Variants in CDCA2 observed in about 807,000 individuals in gnomAD.
The protein encoded by CDCA2 is cell division cycle-associated protein 2.
CDCA2 carries 44 observed loss-of-function variants against 67.0 expected under a neutral mutation model. The observed-to-expected ratio is 0.66, with a 90% CI of 0.52 to 0.84. CDCA2 has a LOEUF of 0.84. Ranked by LOEUF, CDCA2 falls within the 40% of genes least tolerant of loss-of-function variation. The pLI, the probability that CDCA2 is intolerant of heterozygous loss-of-function variation, is 0.00. For missense variants in CDCA2, 1,253 were observed against 1,203.2 expected (o/e 1.04, Z -0.61); for synonymous variants, 447 against 418.7 (o/e 1.07, Z -0.82).
At chr8:25,468,148 A>AAG in intron 5 of CDCA2, 69 bp from the exon 6 acceptor site, 1 of 704,614 alleles carries the variant, frequency 1.4e-6, no homozygotes. Context: ...AAGAAAAGAA[A>AAG]AAAAATATAT....
chr8:25,505,350 C>T (rs188715784), intron 14 of CDCA2, among the ~76,000 whole-genome samples: 2 of 152,242 alleles, frequency 1.3e-5, no homozygotes, highest in African/African-American at 2.4e-5. Flanking sequence ...TACAAGCACG[C>T]GCCACCATGC....
intron 7 of CDCA2, among the ~76,000 whole-genome samples, chr8:25,470,907 G>A (rs531114760): frequency 8.2e-4 from 124 of 151,780 alleles, no homozygotes; most frequent in Non-Finnish European, 1.4e-3. Context: ...GATTACAGGC[G>A]TGCACCACCA....
At position 25,480,124 on chromosome 8, in the gene CDCA2, G is replaced by A; in HGVS notation, c.1032G>A (p.Gln344=). ...PSVKMCLESL[Q]EHCNNLYDDD... The stretch of plus-strand genomic sequence containing the variant: ...TTAAGATGTGTCTAGAGAGCTTACA[G>A]GTAAGAAGAGAGTTAAATTTCCTAA... Residue 344 remains glutamine, a splice_region_variant and synonymous_variant, in exon 8 of 15, where the codon CAG becomes CAA. Coordinates refer to ENST00000330560, the MANE Select transcript of CDCA2 (RefSeq NM_152562.4). 1.9e-6 allele frequency: 3 copies of A among 1,609,038 alleles called. No individual in the cohort carries two copies. Among genetic ancestry groups the A allele is most frequent in the Non-Finnish European group, 2.5e-6 (3 of 1,176,690 alleles).
rs373478398 is a variant in CDCA2 at position 25,466,306 on chromosome 8, G to T, written c.519G>T (p.Glu173Asp). ...TGGAATTCTCAGAGGCAGGAAAAGA[G>T]TCCGAGATGACAGACTTGAGTGAGT... ...GCLEFSEAGK[E>D]SEMTDLTRKE... is the part of the protein sequence containing the mutation. Residue 173 changes from glutamate to aspartate, a missense_variant, in exon 5 of 15, where the codon GAG (glutamate) becomes GAT (aspartate). Coordinates refer to ENST00000330560, the MANE Select transcript of CDCA2 (RefSeq NM_152562.4). 1.2e-6 allele frequency: 2 copies of T among 1,602,838 alleles called. No individual in the cohort carries two copies. The highest frequency in any genetic ancestry group is 1.7e-6 in the Non-Finnish European group (2 of 1,177,200).
intron 13 of CDCA2, among the ~76,000 whole-genome samples, chr8:25,492,521 T>C (rs984660744): frequency 1.2e-4 from 18 of 152,144 alleles, no homozygotes; most frequent in African/African-American, 4.3e-4. Context: ...GGTAATTATA[T>C]ACCATTTCAA....
intron 13 of CDCA2, among the ~76,000 whole-genome samples, chr8:25,490,749 A>G (rs1803970042): frequency 6.6e-6 from 1 of 152,174 alleles, no homozygotes; most frequent in South Asian, 2.1e-4. Flanking sequence ...TGGCATTTGG[A>G]AAGTCCCACA....
At chr8:25,492,838 G>A (rs1338132923) in intron 13 of CDCA2, among the ~76,000 whole-genome samples, 1 of 152,226 alleles carries the variant, frequency 6.6e-6, no homozygotes, top group Non-Finnish European at 1.5e-5. Context: ...ATAGCAGAAG[G>A]TGAAAAGTGA....
intron 7 of CDCA2, 40 bp from the exon 8 acceptor site, chr8:25,479,873 G>T: frequency 6.3e-7 from 1 of 1,582,210 alleles, no homozygotes; most frequent in South Asian, 1.1e-5. Flanking sequence ...ACAGATTTAA[G>T]AGATCTTCTG....
chr8:25,483,308 G>C lies in CDCA2; in HGVS notation c.1033-91G>C, dbSNP rs949053939. The C allele has an allele frequency of 2.3e-4, 160 of 704,368 alleles. 1 individual carries two copies. The highest frequency in any genetic ancestry group is 3.1e-4 in the Non-Finnish European group (138 of 443,012). 43.6% of individuals were successfully genotyped at this position (704,368 alleles called of 1,614,324 possible). On this transcript the variant is annotated intron_variant, in intron 8 of 14. Transcript: ENST00000330560. ...TTTAATACTGGAATATCTATCTGCAGTTGACAGAGAATTTCAAAACTGCTG... is the reference window on the plus strand; with the variant it reads ...TTTAATACTGGAATATCTATCTGCACTTGACAGAGAATTTCAAAACTGCTG...
chr8:25,496,058 T>TC (rs1162158835), intron 13 of CDCA2, among the ~76,000 whole-genome samples: 1 of 152,052 alleles, frequency 6.6e-6, no homozygotes, highest in Non-Finnish European at 1.5e-5. Context: ...GGGGTTAGGG[T>TC]CCCTTGGTGA....
intron 4 of CDCA2, among the ~76,000 whole-genome samples, chr8:25,465,129 A>T (rs944795759): frequency 1.3e-5 from 2 of 151,928 alleles, no homozygotes; most frequent in Non-Finnish European, 2.9e-5. Flanking sequence ...ATGCACCACC[A>T]CGCCTGGTTA....
intron 7 of CDCA2, among the ~76,000 whole-genome samples, chr8:25,470,544 CAT>C (rs1458566913): frequency 2.0e-5 from 3 of 152,100 alleles, no homozygotes; most frequent in Non-Finnish European, 2.9e-5. Context: ...GTCATTTTAT[CAT>C]ATGTTTTCTA....
At chr8:25,473,633 A>G (rs868523669) in intron 7 of CDCA2, among the ~76,000 whole-genome samples, 7 of 152,234 alleles carry the variant, frequency 4.6e-5, no homozygotes, top group African/African-American at 1.7e-4. Context: ...ATAACAGAAT[A>G]TGATTACTAA....
intron 7 of CDCA2, among the ~76,000 whole-genome samples, chr8:25,475,910 G>A (rs1266545900): frequency 6.6e-6 from 1 of 152,200 alleles, no homozygotes; most frequent in African/African-American, 2.4e-5. Context: ...GACAAGACAG[G>A]AGTGCAGCTC....
intron 7 of CDCA2, among the ~76,000 whole-genome samples, chr8:25,473,956 A>G (rs1055814069): frequency 1.3e-5 from 2 of 152,188 alleles, no homozygotes; most frequent in Non-Finnish European, 2.9e-5. Flanking sequence ...AATCTCAGCA[A>G]TTGTCAGATA....
chr8:25,487,594 T>G (rs1803831736), intron 12 of CDCA2, among the ~76,000 whole-genome samples: 1 of 152,002 alleles, frequency 6.6e-6, no homozygotes, highest in African/African-American at 2.4e-5. Context: ...ACCAAAAAAA[T>G]TAGCCGGACG....
At chr8:25,488,504 T>G in intron 12 of CDCA2, 48 bp from the exon 13 acceptor site, 1 of 1,514,568 alleles carries the variant, frequency 6.6e-7, no homozygotes, top group Non-Finnish European at 8.8e-7. Context: ...CACATTAACA[T>G]GTAATTGCTT....
intron 7 of CDCA2, among the ~76,000 whole-genome samples, chr8:25,473,583 C>T (rs1005622574): frequency 5.9e-5 from 9 of 152,126 alleles, no homozygotes; most frequent in Non-Finnish European, 8.8e-5. Flanking sequence ...CAAAGTACTT[C>T]CCTAAAGTAG....
At chr8:25,503,895 C>T (rs1243438128) in intron 14 of CDCA2, among the ~76,000 whole-genome samples, 1 of 151,976 alleles carries the variant, frequency 6.6e-6, no homozygotes, top group Non-Finnish European at 1.5e-5. Context: ...TGTAGTCCAT[C>T]GTTGAAAGTG....
Sources: allele counts gnomAD v4.1 joint callset (sites outside exome capture counted in the v4.1 genomes callset), GRCh38; gene constraint gnomAD v4.1.1; transcripts MANE v1.5; gene names NCBI Gene and HGNC (gene_info 2026-07-23, HGNC 2026-07-21).